SUPT6H: variants seen among roughly 807,000 people sequenced by gnomAD.
SUPT6H encodes transcription elongation factor SPT6.
Under a neutral mutation model 222.3 loss-of-function variants are expected in SUPT6H, and 11 were observed. The observed-to-expected ratio is 0.05, with a 90% confidence interval of 0.03 to 0.08. The LOEUF (loss-of-function observed/expected upper bound fraction) is 0.08, where lower values mean the gene tolerates loss of function less well. SUPT6H is among the 10% of genes least tolerant of loss of function. SUPT6H has a pLI of 1.00. For missense variants in SUPT6H, 1,422 were observed against 2,216.0 expected (o/e 0.64, Z 7.19); for synonymous variants, 762 against 801.2 (o/e 0.95, Z 0.83).
Position 28,690,227 on chromosome 17 carries a change from T to C in SUPT6H, c.3488T>C (p.Ile1163Thr). The change falls in exon 26 of 37, where the codon ATT (isoleucine) becomes ACT (threonine). Residue 1163 changes from isoleucine to threonine, a missense_variant and splice_region_variant. By Grantham distance (89) the Ile-to-Thr change is moderately conservative. Transcript: ENST00000314616. ...LTKETPETFY[I>T]GKLIICNVTG... Reference sequence around the variant, plus strand: ...AAAGAAACACCAGAGACCTTCTACATTGGTAAATTCTGGGGTCATTTTTTT... The same window carrying C: ...AAAGAAACACCAGAGACCTTCTACACTGGTAAATTCTGGGGTCATTTTTTT... 6.2e-7 allele frequency: 1 copy of C among 1,613,584 alleles called. No homozygotes were observed. Among genetic ancestry groups the C allele is most frequent in the Non-Finnish European group, 8.5e-7 (1 of 1,179,800 alleles).
At chr17:28,670,108 A>C (rs1338323910) in intron 1 of SUPT6H, 1 of 152,246 alleles carries the variant, frequency 6.6e-6, no homozygotes, top group African/African-American at 2.4e-5. Context: ...GAGAGAACAG[A>C]GGGACTGGCC....
intron 1 of SUPT6H, chr17:28,672,745 C>T (rs2030500293): frequency 1.3e-5 from 2 of 151,998 alleles, no homozygotes; most frequent in Admixed American, 1.3e-4. Flanking sequence ...CAGAGTCTCA[C>T]TCTCTCGCCA....
chr17:28,663,030 G>A (rs1017561703), intron 1 of SUPT6H, among the ~76,000 whole-genome samples: 3 of 152,182 alleles, frequency 2.0e-5, no homozygotes, highest in Admixed American at 6.5e-5. Context: ...TTCCTGGGTT[G>A]TTGCAAGAAC....
At chr17:28,694,823 G>A (rs561787561) in intron 28 of SUPT6H, among the ~76,000 whole-genome samples, 60 of 152,232 alleles carry the variant, frequency 3.9e-4, no homozygotes, top group African/African-American at 1.3e-3. Context: ...GGCCAACATG[G>A]TGAAACCCCG....
intron 12 of SUPT6H, among the ~76,000 whole-genome samples, 170 bp downstream of exon 12, chr17:28,681,574 A>T (rs1043045649): frequency 2.0e-5 from 3 of 152,196 alleles, no homozygotes; most frequent in African/African-American, 7.2e-5. Context: ...ATACAAAAGT[A>T]GCCAGGGTAG....
At chr17:28,664,210 A>G (rs975971151) in intron 1 of SUPT6H, among the ~76,000 whole-genome samples, 1 of 151,894 alleles carries the variant, frequency 6.6e-6, no homozygotes, top group Non-Finnish European at 1.5e-5. Context: ...CTCTCTATCT[A>G]ATGTCTAAAT....
At chr17:28,689,205 GA>G in intron 24 of SUPT6H, 148 bp from the exon 25 acceptor site, 1 of 677,504 alleles carries the variant, frequency 1.5e-6, no homozygotes, top group Non-Finnish European at 2.5e-6. Flanking sequence ...AGCACACATA[GA>G]TCTACCTCAT....
Position 28,701,215 on chromosome 17 carries a change from T to C in SUPT6H, c.4994+87T>C. On this transcript the variant is annotated intron_variant, in intron 36 of 36. Transcript: ENST00000314616. ...CGAAAGGCTTAGCAGAGGCAGGTGC[T>C]CTGGATCCTCTGAGGGCCCTGACCA... The C allele has an allele frequency of 2.0e-6, 3 of 1,503,402 alleles. No individual in the cohort carries two copies. The South Asian group carries it at 3.8e-5, about 19-fold the overall frequency. 93.1% of individuals were successfully genotyped at this position (1,503,402 alleles called of 1,614,324 possible).
chr17:28,684,815 G>A, intron 18 of SUPT6H, 29 bp from the exon 19 acceptor site: 2 of 1,613,766 alleles, frequency 1.2e-6, no homozygotes, highest in Non-Finnish European at 1.7e-6. Flanking sequence ...GCTGATTATT[G>A]CATTCTTGTT....
At chr17:28,693,959 G>GT in intron 28 of SUPT6H, 123 bp downstream of exon 28, 2 of 1,316,074 alleles carry the variant, frequency 1.5e-6, no homozygotes, top group Non-Finnish European at 2.1e-6. Context: ...GGTGGGAAGT[G>GT]TTTCAGGGAA....
Position 28,690,090 on chromosome 17 carries a change from T to G in SUPT6H, c.3351T>G (p.Gly1117=), listed in dbSNP as rs546904730. ...ATGGGCTTCTTCCCCAGGGCTATGG[T>G]GACAAACACATCACACTCTATGACA... ...FAEELERQGY[G]DKHITLYDIR... is the part of the protein sequence containing the mutation. Residue 1117 remains glycine (G), a synonymous_variant, in exon 26 of 37, where the codon GGT becomes GGG. Transcript: ENST00000314616. 1 of 1,611,674 alleles carries G rather than the reference T, an allele frequency of 6.2e-7. No homozygotes were observed. Among genetic ancestry groups the G allele is most frequent in the Non-Finnish European group, 8.5e-7 (1 of 1,179,286 alleles).
At chr17:28,690,565 A>G (rs1239553862) in intron 26 of SUPT6H, among the ~76,000 whole-genome samples, 1 of 152,180 alleles carries the variant, frequency 6.6e-6, no homozygotes, top group East Asian at 1.9e-4. Context: ...GCTTGAGGCC[A>G]GGAGTTCGAG....
Position 28,683,657 on chromosome 17 carries a change from A to G in SUPT6H, c.2070A>G (p.Lys690=). ...ACCAGACATATTTTGAGGAGATAAA[A>G]CAGTTTTACTACCGAGATGAGTTCA... ...GNDQTYFEEI[K]QFYYRDEFSH... Residue 690 remains lysine, a synonymous_variant, in exon 17 of 37, where the codon AAA becomes AAG. Coordinates refer to ENST00000314616, the MANE Select transcript of SUPT6H (RefSeq NM_003170.5). 1 of 1,614,110 alleles carries G rather than the reference A, an allele frequency of 6.2e-7. No individual in the cohort carries two copies. Among genetic ancestry groups the G allele is most frequent in the Non-Finnish European group, 8.5e-7 (1 of 1,180,032 alleles).
At chr17:28,664,565 C>A (rs1422579093) in intron 1 of SUPT6H, among the ~76,000 whole-genome samples, 1 of 152,230 alleles carries the variant, frequency 6.6e-6, no homozygotes, top group Non-Finnish European at 1.5e-5. Context: ...CTTCTACATG[C>A]TTCCCTTTAG....
chr17:28,678,114 C>T lies in SUPT6H; in HGVS notation c.1038C>T (p.Ser346=), dbSNP rs755103634. Residue 346 remains serine (S), a synonymous_variant, in exon 9 of 37, where the codon AGC becomes AGT. Coordinates refer to ENST00000314616, the MANE Select transcript of SUPT6H (RefSeq NM_003170.5). ...ACCTAGACCGAGGGCAGCCAGCCAG[C>T]AGCTTCAGTCGGAAAGGGCCCAGCA... ...CDYLDRGQPA[S]SFSRKGPSTI... is the part of the protein sequence containing the mutation. 4 of 1,612,398 alleles carry T rather than the reference C, an allele frequency of 2.5e-6. No homozygotes were observed. The highest frequency in any genetic ancestry group is 8.5e-7 in the Non-Finnish European group (1 of 1,179,558).
In SUPT6H at chr17:28,688,432, A is replaced by G. The variant is rs189414522; in HGVS notation, c.3134+214A>G. The stretch of plus-strand genomic sequence containing the variant: ...CATTTTTCGTGTGAGAGAAACATAA[A>G]AAGTACCAGCTTAGCTTATAAATTA... On this transcript the variant is annotated intron_variant, in intron 24 of 36. Coordinates refer to ENST00000314616, the MANE Select transcript of SUPT6H (RefSeq NM_003170.5). The surrounding 1 kb of genome is among the most constrained non-coding windows in gnomAD (Gnocchi z 4.3). 1 of 419,404 alleles carries G rather than the reference A, an allele frequency of 2.4e-6. No homozygotes were observed. Among genetic ancestry groups the G allele is most frequent in the East Asian group, 4.3e-5 (1 of 23,358 alleles). The allele number at this position is 419,404 out of a possible 1,614,324, so 26.0% of individuals were successfully genotyped here.
intron 1 of SUPT6H, chr17:28,671,315 A>G (rs982447289): frequency 2.0e-5 from 3 of 152,246 alleles, no homozygotes; most frequent in Non-Finnish European, 4.4e-5. Flanking sequence ...GCACACCTGA[A>G]GGGATATAGC....
At chr17:28,676,084 G>T in intron 6 of SUPT6H, 73 bp from the exon 7 acceptor site, 2 of 1,488,874 alleles carry the variant, frequency 1.3e-6, no homozygotes, top group African/African-American at 2.8e-5. Context: ...GACAAGTAAA[G>T]GATCTATGCA....
intron 25 of SUPT6H, among the ~76,000 whole-genome samples, chr17:28,689,779 A>G (rs757740331): frequency 6.6e-6 from 1 of 152,168 alleles, no homozygotes; most frequent in African/African-American, 2.4e-5. Context: ...CATAATTACA[A>G]GGGGCAGGAG....
Sources: allele counts gnomAD v4.1 joint callset (sites outside exome capture counted in the v4.1 genomes callset), GRCh38; gene constraint gnomAD v4.1.1; non-coding constraint Gnocchi (gnomAD v3.1); transcripts MANE v1.5; gene names NCBI Gene and HGNC (gene_info 2026-07-23, HGNC 2026-07-21).